TRPC1: variants seen among roughly 807,000 people sequenced by gnomAD.
The protein encoded by TRPC1 is transient receptor potential cation channel subfamily C member 1.
Under a neutral mutation model 88.2 loss-of-function variants are expected in TRPC1, and 42 were observed. The ratio of observed to expected loss-of-function variants is 0.48; its 90% CI spans 0.37 to 0.62. The LOEUF (loss-of-function observed/expected upper bound fraction) is 0.62. Ranked by LOEUF, TRPC1 falls within the 20% of genes least tolerant of loss-of-function variation. The probability of loss-of-function intolerance (pLI) is 0.00; values close to 1 mark genes in which losing one functional copy is unlikely to be tolerated. For missense variants in TRPC1, 699 were observed against 957.3 expected, an observed-to-expected ratio of 0.73 and a Z score of 3.56; for synonymous variants, 288 against 331.8, an observed-to-expected ratio of 0.87 and a Z score of 1.43.
chr3:142,742,291 A>C (rs1175756321), intron 2 of TRPC1, among the ~76,000 whole-genome samples: 4 of 152,234 alleles, frequency 2.6e-5, no homozygotes, highest in African/African-American at 7.2e-5. Flanking sequence ...AAAGCAGAGT[A>C]ATAATGCTAG....
At chr3:142,794,267 A>G (rs1936385766) in intron 9 of TRPC1, among the ~76,000 whole-genome samples, 1 of 151,934 alleles carries the variant, frequency 6.6e-6, no homozygotes, top group African/African-American at 2.4e-5. Context: ...ATTTTTTTTT[A>G]ACTGAAAATG....
At chr3:142,753,291 G>A (rs1934843986) in intron 4 of TRPC1, among the ~76,000 whole-genome samples, 1 of 152,154 alleles carries the variant, frequency 6.6e-6, no homozygotes, top group Non-Finnish European at 1.5e-5. Flanking sequence ...TAGGCAGAAA[G>A]TACAGCATGT....
intron 1 of TRPC1, among the ~76,000 whole-genome samples, chr3:142,735,917 A>G (rs961130570): frequency 1.1e-4 from 17 of 152,116 alleles, no homozygotes; most frequent in African/African-American, 3.9e-4. Flanking sequence ...CCTCTTTATA[A>G]TATCCTCTGC....
chr3:142,774,151 G>T (rs1392427761), intron 4 of TRPC1, among the ~76,000 whole-genome samples: 2 of 152,154 alleles, frequency 1.3e-5, no homozygotes, highest in Non-Finnish European at 2.9e-5. Flanking sequence ...CATAAAGTTT[G>T]TACTATCTGC....
intron 3 of TRPC1, among the ~76,000 whole-genome samples, chr3:142,746,507 T>G (rs1259682025): frequency 3.3e-5 from 5 of 152,110 alleles, no homozygotes; most frequent in African/African-American, 1.2e-4. Flanking sequence ...TAATTTGAAG[T>G]CCTCAATAAA....
rs994015967 is a variant in TRPC1, at chr3:142,776,748, C to T, written c.633-884C>T. The stretch of plus-strand genomic sequence containing the variant: ...TGAAACCCCGTCTCTACTAAAAATA[C>T]AAAAATTAGCCAGGCGTGGTGGCAC... On this transcript the variant is annotated intron_variant, in intron 4 of 12. Transcript: ENST00000476941. The surrounding 1 kb of genome is among the most constrained non-coding windows in gnomAD (Gnocchi z 4.1). 6.6e-6 allele frequency among the ~76,000 whole-genome samples: 1 copy of T among 151,548 alleles called. No individual in the cohort carries two copies. Among genetic ancestry groups the T allele is most frequent in the African/African-American group, 2.4e-5 (1 of 41,254 alleles).
chr3:142,734,305 G>T (rs1200225496), intron 1 of TRPC1, among the ~76,000 whole-genome samples: 1 of 152,148 alleles, frequency 6.6e-6, no homozygotes, highest in Non-Finnish European at 1.5e-5. Context: ...AAATAAGAGA[G>T]TTGGAAAGAA....
At position 142,790,890 on chromosome 3, in the gene TRPC1, G is replaced by T. The variant is rs1046507764; in HGVS notation, c.1298-129G>T. 52 of 745,402 alleles carry T rather than the reference G, an allele frequency of 7.0e-5. 1 individual carries two copies. The highest frequency in any genetic ancestry group is 1.9e-4 in the South Asian group (3 of 15,708). The allele number at this position is 745,402 out of a possible 1,614,324, so 46.2% of individuals were successfully genotyped here. A position where few individuals can be genotyped will look rare whatever the true frequency, so the allele number is the denominator to read the frequency against. On this transcript the variant is annotated intron_variant, in intron 7 of 12. Transcript: ENST00000476941. ...AAGAACTTTTCACTAAAATGTTTTTGGTTTTGTTTTTTTTTCTTTTGAATA... is the reference window on the plus strand; with the variant it reads ...AAGAACTTTTCACTAAAATGTTTTTTGTTTTGTTTTTTTTTCTTTTGAATA...
chr3:142,766,950 A>G (rs1935415553), intron 4 of TRPC1, among the ~76,000 whole-genome samples: 1 of 152,166 alleles, frequency 6.6e-6, no homozygotes, highest in Non-Finnish European at 1.5e-5. Flanking sequence ...TGTCCTTTAA[A>G]TTTCCAAATA....
At chr3:142,797,270 T>C (rs1337075764) in intron 9 of TRPC1, among the ~76,000 whole-genome samples, 4 of 151,994 alleles carry the variant, frequency 2.6e-5, no homozygotes, top group Non-Finnish European at 5.9e-5. Flanking sequence ...CCTACTTCAT[T>C]TAGGATAGGA....
chr3:142,800,762 C>G (rs1936594089), intron 9 of TRPC1, among the ~76,000 whole-genome samples: 1 of 151,490 alleles, frequency 6.6e-6, no homozygotes, highest in Non-Finnish European at 1.5e-5. Context: ...ACTAAAAATA[C>G]AAAAAATTAG....
At chr3:142,739,952 G>A (rs950582271) in intron 2 of TRPC1, among the ~76,000 whole-genome samples, 3 of 152,172 alleles carry the variant, frequency 2.0e-5, no homozygotes, top group Non-Finnish European at 2.9e-5. Flanking sequence ...GCAGGTGAGC[G>A]ATCATTACTG....
intron 1 of TRPC1, among the ~76,000 whole-genome samples, chr3:142,735,545 T>G: frequency 6.6e-6 from 1 of 152,190 alleles, no homozygotes; most frequent in East Asian, 1.9e-4. Flanking sequence ...CCCATATTCC[T>G]GTACCATCTG....
At chr3:142,760,345 T>TC (rs1298820314) in intron 4 of TRPC1, among the ~76,000 whole-genome samples, 2 of 152,182 alleles carry the variant, frequency 1.3e-5, no homozygotes, top group African/African-American at 2.4e-5. Flanking sequence ...GACTATCCTT[T>TC]CCCCAAAATA....
Position 142,785,008 on chromosome 3 carries a change from G to GC in TRPC1, c.1265_1266insC (p.Arg422SerfsTer19). The GC allele has an allele frequency of 6.2e-7, 1 of 1,611,500 alleles. No individual in the cohort carries two copies. The highest frequency in any genetic ancestry group is 1.1e-5 in the South Asian group (1 of 90,530). The stretch of plus-strand genomic sequence containing the variant: ...AACACAATGGGGCCAGCCCTTGAAA[G>GC]AATAGACTATCTTCTTATTCTGTGG... On this transcript the variant is annotated frameshift_variant, in exon 7 of 13. Coordinates refer to ENST00000476941, the MANE Select transcript of TRPC1 (RefSeq NM_001251845.2). LOFTEE classifies it high-confidence loss of function.
chr3:142,757,949 C>T (rs1199877902), intron 4 of TRPC1, among the ~76,000 whole-genome samples: 1 of 152,074 alleles, frequency 6.6e-6, no homozygotes, highest in Non-Finnish European at 1.5e-5. Context: ...AAGCATTTAT[C>T]CTTTGTGTTG....
At chr3:142,783,032 C>T (rs184859817) in intron 6 of TRPC1, among the ~76,000 whole-genome samples, 3 of 152,284 alleles carry the variant, frequency 2.0e-5, no homozygotes, top group Non-Finnish European at 4.4e-5. Context: ...CAATCACAAG[C>T]CTGTTGAATT....
chr3:142,744,406 GA>G (rs966382451), intron 3 of TRPC1, among the ~76,000 whole-genome samples: 1 of 152,092 alleles, frequency 6.6e-6, no homozygotes, highest in Non-Finnish European at 1.5e-5. Flanking sequence ...ACTTATCAAG[GA>G]AATGGTCAGA....
At chr3:142,784,440 G>T (rs1274443349) in intron 6 of TRPC1, among the ~76,000 whole-genome samples, 1 of 151,858 alleles carries the variant, frequency 6.6e-6, no homozygotes, top group South Asian at 2.1e-4. Context: ...GGAAGTTGAG[G>T]CTTAGAGAAA....
Sources: allele counts gnomAD v4.1 joint callset (sites outside exome capture counted in the v4.1 genomes callset), GRCh38; gene constraint gnomAD v4.1.1; non-coding constraint Gnocchi (gnomAD v3.1); transcripts MANE v1.5; gene names NCBI Gene and HGNC (gene_info 2026-07-23, HGNC 2026-07-21).